PKD2L1: variants seen among roughly 807,000 people sequenced by gnomAD.
The protein encoded by PKD2L1 is polycystin 2 like 1, transient receptor potential cation channel.
PKD2L1 carries 77 observed loss-of-function variants against 93.0 expected under a neutral mutation model. That is an observed-to-expected ratio of 0.83 (90% CI 0.69 to 1.00). The LOEUF is 1.00. Among genes scored for constraint, PKD2L1 ranks in the 50% least tolerant of loss-of-function variants. The pLI, the probability that PKD2L1 is intolerant of heterozygous loss-of-function variation, is 0.00. For missense variants in PKD2L1, 977 were observed against 990.9 expected, an observed-to-expected ratio of 0.99 and a Z score of 0.19; for synonymous variants, 390 against 388.0, an observed-to-expected ratio of 1.01 and a Z score of -0.06.
chr10:100,325,286 A>G (rs1849352884), intron 2 of PKD2L1, among the ~76,000 whole-genome samples: 1 of 152,052 alleles, frequency 6.6e-6, no homozygotes, highest in Non-Finnish European at 1.5e-5. Flanking sequence ...CTGAGAACCT[A>G]TGGTCTAGAT....
Position 100,288,165 on chromosome 10 carries a change from T to G in PKD2L1, c.*231A>C. The G allele has an allele frequency of 2.1e-6, 1 of 482,444 alleles. No individual in the cohort carries two copies. The highest frequency in any genetic ancestry group is 3.7e-6 in the Non-Finnish European group (1 of 268,228). 29.9% of individuals were successfully genotyped at this position (482,444 alleles called of 1,614,324 possible). On this transcript the variant is annotated 3_prime_UTR_variant, in exon 16 of 16. Coordinates refer to ENST00000318222, the MANE Select transcript of PKD2L1 (RefSeq NM_016112.3). ...AAGTCCAAGTTTTCCTAAGGAGTTT[T>G]ATTGATAGCCACCATGGAAACCCAC...
At chr10:100,314,978 G>A (rs1289680712) in intron 2 of PKD2L1, among the ~76,000 whole-genome samples, 1 of 5,936 alleles carries the variant, frequency 1.7e-4, no homozygotes, top group Non-Finnish European at 4.9e-4. Flanking sequence ...AAGGAAGGAA[G>A]GAAGGAAGGA....
chr10:100,293,190 G>A (rs1848444565), intron 10 of PKD2L1, 91 bp downstream of exon 10: 3 of 1,543,550 alleles, frequency 1.9e-6, no homozygotes, highest in Admixed American at 3.4e-5. Context: ...AAGGGCACAG[G>A]CACCTCAATC....
intron 6 of PKD2L1, 42 bp downstream of exon 6, chr10:100,296,938 C>T: frequency 7.3e-7 from 1 of 1,367,696 alleles, no homozygotes; most frequent in South Asian, 1.2e-5. Flanking sequence ...GAACTCCCTC[C>T]TCACCCCAGA....
rs918562044 is a variant in PKD2L1 at position 100,293,067 on chromosome 10, G to A, written c.1761C>T (p.Gly587=). 2 of 1,613,696 alleles carry A rather than the reference G, an allele frequency of 1.2e-6. No individual in the cohort carries two copies. Among genetic ancestry groups the A allele is most frequent in the Non-Finnish European group, 1.7e-6 (2 of 1,179,806 alleles). Residue 587 remains glycine, a splice_region_variant and synonymous_variant, in exon 11 of 16, where the codon GGC becomes GGT. Coordinates refer to ENST00000318222, the MANE Select transcript of PKD2L1 (RefSeq NM_016112.3). ...GCAGTCTTAGTAGGGTCTTGTTGTA[G>A]CCCTGAAAGGGAAAGGAAATAGGCA... ...ELQLSDLLKQ[G]YNKTLLRLRL... is the part of the protein sequence containing the mutation.
intron 2 of PKD2L1, among the ~76,000 whole-genome samples, chr10:100,309,609 C>T (rs1452162157): frequency 6.6e-6 from 1 of 152,168 alleles, no homozygotes; most frequent in African/African-American, 2.4e-5. Context: ...AGGACTTGGA[C>T]AAGCAGTTCA....
intron 2 of PKD2L1, 93 bp from the exon 3 acceptor site, chr10:100,299,811 A>G (rs1848638749): frequency 7.2e-6 from 8 of 1,118,694 alleles, no homozygotes; most frequent in Middle Eastern, 4.2e-4. Flanking sequence ...TGCTTCCAAG[A>G]TGGAAGCCCA....
chr10:100,298,229 C>T (rs1775856257), intron 4 of PKD2L1, among the ~76,000 whole-genome samples: 1 of 152,208 alleles, frequency 6.6e-6, no homozygotes, highest in Admixed American at 6.5e-5. Context: ...TTCAATTTCA[C>T]CCATTTTGTA....
At chr10:100,317,205 T>C (rs1849118107) in intron 2 of PKD2L1, among the ~76,000 whole-genome samples, 1 of 152,180 alleles carries the variant, frequency 6.6e-6, no homozygotes, top group Non-Finnish European at 1.5e-5. Flanking sequence ...CAAATAACAC[T>C]TTTTATTTTT....
chr10:100,297,332 G>A (rs777205672), intron 5 of PKD2L1, 50 bp downstream of exon 5: 27 of 1,555,634 alleles, frequency 1.7e-5, no homozygotes, highest in Middle Eastern at 1.7e-4. Flanking sequence ...CACAAGAGAC[G>A]GGAACCAGGA....
At chr10:100,302,560 C>T (rs771941116) in intron 2 of PKD2L1, among the ~76,000 whole-genome samples, 2 of 151,752 alleles carry the variant, frequency 1.3e-5, no homozygotes, top group Non-Finnish European at 2.9e-5. Flanking sequence ...AAAAATTACC[C>T]GGGCATGGTG....
At chr10:100,300,636 C>T (rs1185950774) in intron 2 of PKD2L1, among the ~76,000 whole-genome samples, 1 of 152,176 alleles carries the variant, frequency 6.6e-6, no homozygotes, top group East Asian at 1.9e-4. Context: ...AGAAGTGATA[C>T]TGTGTCTTTC....
intron 2 of PKD2L1, among the ~76,000 whole-genome samples, chr10:100,301,465 G>C (rs767926738): frequency 1.9e-5 from 2 of 102,586 alleles, no homozygotes; most frequent in Admixed American, 1.0e-4. Context: ...CCCCCCCCCC[G>C]GGAATGCATT....
chr10:100,318,596 G>A (rs1339770609), intron 2 of PKD2L1, among the ~76,000 whole-genome samples: 1 of 150,018 alleles, frequency 6.7e-6, no homozygotes, highest in Non-Finnish European at 1.5e-5. Flanking sequence ...TCGGCTCACT[G>A]CATGCTCCAC....
Position 100,294,746 on chromosome 10 carries a change from CA to C in PKD2L1, c.1539-92del. On this transcript the variant is annotated intron_variant, in intron 8 of 15. Coordinates refer to ENST00000318222, the MANE Select transcript of PKD2L1 (RefSeq NM_016112.3). ...ACAGAGAGACCCCTCACCACACGTT[CA>C]CCCCAATCTGATAGACACAGGGCAG... 3 of 1,548,302 alleles carry C rather than the reference CA, an allele frequency of 1.9e-6. No individual in the cohort carries two copies. The South Asian group carries it at 3.4e-5, about 17-fold the overall frequency.
chr10:100,321,894 G>GCAAGCAAGGAAGGAAGGAA (rs1367238656), intron 2 of PKD2L1, among the ~76,000 whole-genome samples: 79 of 1,590 alleles, frequency 0.05, 16 homozygotes, highest in Middle Eastern at 0.5. Flanking sequence ...GAGGGAGGGA[G>GCAAGCAAGGAAGGAAGGAA]GGAAGGAAGC....
intron 2 of PKD2L1, among the ~76,000 whole-genome samples, chr10:100,327,944 AT>A (rs1425979410): frequency 6.6e-6 from 1 of 152,218 alleles, no homozygotes; most frequent in African/African-American, 2.4e-5. Flanking sequence ...GGCTCAAAAA[AT>A]AAGACAACAT....
rs1448866406 is a variant in PKD2L1 at position 100,289,475 on chromosome 10, G to T, written c.2251-419C>A. On this transcript the variant is annotated intron_variant, in intron 14 of 15. Transcript: ENST00000318222. ...AATCACTTGAACTCAGGAGGCGGAG[G>T]TTGCAGTGAGCCGAGATCGTGCCAT... Among the ~76,000 whole-genome samples, 3 of 152,196 alleles carry T rather than the reference G, an allele frequency of 2.0e-5. No individual in the cohort carries two copies. In the East Asian group the frequency reaches 5.8e-4, roughly 29 times the overall value.
chr10:100,319,289 T>C (rs75521957), intron 2 of PKD2L1, among the ~76,000 whole-genome samples: 1,770 of 152,374 alleles, frequency 0.012, 37 homozygotes, highest in African/African-American at 0.04. Context: ...GATGTTATTC[T>C]CACTTGAGGA....
Sources: allele counts gnomAD v4.1 joint callset (sites outside exome capture counted in the v4.1 genomes callset), GRCh38; gene constraint gnomAD v4.1.1; transcripts MANE v1.5; gene names NCBI Gene and HGNC (gene_info 2026-07-23, HGNC 2026-07-21).